The following CERT1 variants were observed in gnomAD, a reference collection of about 807,000 sequenced individuals.
CERT1 encodes the protein ceramide transfer protein.
A neutral mutation model predicts 87.9 loss-of-function variants in CERT1; 31 were observed. That is an observed-to-expected ratio of 0.35 (90% CI 0.27 to 0.48). The LOEUF (loss-of-function observed/expected upper bound fraction) is 0.48. Among genes scored for constraint, CERT1 ranks in the 20% least tolerant of loss-of-function variants. CERT1 has a pLI of 0.99. For synonymous variants in CERT1, 289 were observed against 250.9 expected (o/e 1.15, Z -1.44); for missense variants, 487 against 758.0 (o/e 0.64, Z 4.20).
intron 2 of CERT1, among the ~76,000 whole-genome samples, chr5:75,465,675 T>C (rs570974144): frequency 6.6e-6 from 1 of 152,324 alleles, no homozygotes; most frequent in African/African-American, 2.4e-5. Context: ...GTGCCATTTG[T>C]ATGGACAGGA....
intron 11 of CERT1, among the ~76,000 whole-genome samples, chr5:75,392,047 A>G (rs1762044861): frequency 6.6e-6 from 1 of 152,186 alleles, no homozygotes; most frequent in Non-Finnish European, 1.5e-5. Context: ...TCTGTTTGGG[A>G]GATTATTCTG....
intron 8 of CERT1, among the ~76,000 whole-genome samples, chr5:75,405,847 A>G (rs1762684697): frequency 1.4e-5 from 2 of 142,412 alleles, no homozygotes; most frequent in African/African-American, 2.6e-5. Context: ...CAGTGTATAT[A>G]GGGTTCAGTA....
At chr5:75,457,699 T>A (rs1403743079) in intron 3 of CERT1, among the ~76,000 whole-genome samples, 2 of 151,968 alleles carry the variant, frequency 1.3e-5, no homozygotes, top group Non-Finnish European at 1.5e-5. Flanking sequence ...GCTAATACGA[T>A]TGATAAAGAA....
Position 75,384,706 on chromosome 5 carries a change from A to C in CERT1, c.1424T>G (p.Ile475Arg). The change falls in exon 14 of 17, where the codon ATA (isoleucine) becomes AGA (arginine). Residue 475 changes from isoleucine (I) to arginine (R), a missense_variant. Physicochemically the swap from Ile to Arg is moderately conservative, Grantham distance 97 (BLOSUM62 -3). This residue lies in a region of CERT1 where 147 missense variants were observed against 200.8 expected (regional missense o/e 0.73). Coordinates refer to ENST00000643780, the MANE Select transcript of CERT1 (RefSeq NM_001379029.1). ...TGTTTCCACCACATGAAAGTTTTCTATAGTTGCTGAAATGAAGAGAATAAT... is the reference window on the plus strand; with the variant it reads ...TGTTTCCACCACATGAAAGTTTTCTCTAGTTGCTGAAATGAAGAGAATAAT... ...VDVRNDWETT[I>R]ENFHVVETLA... The C allele has an allele frequency of 6.3e-7, 1 of 1,576,610 alleles. No individual in the cohort carries two copies. The highest frequency in any genetic ancestry group is 8.7e-7 in the Non-Finnish European group (1 of 1,146,712).
At chr5:75,452,140 A>G (rs1764792582) in intron 3 of CERT1, among the ~76,000 whole-genome samples, 1 of 152,206 alleles carries the variant, frequency 6.6e-6, no homozygotes, top group African/African-American at 2.4e-5. Context: ...TTTGGCCTTC[A>G]CAAAGGGTAA....
At chr5:75,397,740 GC>G (rs2112071713) in intron 11 of CERT1, among the ~76,000 whole-genome samples, 1 of 152,306 alleles carries the variant, frequency 6.6e-6, no homozygotes, top group South Asian at 2.1e-4. Flanking sequence ...CATACGCAGG[GC>G]CGGGCATGGT....
At chr5:75,418,971 A>C (rs1237844897) in intron 6 of CERT1, among the ~76,000 whole-genome samples, 1 of 152,210 alleles carries the variant, frequency 6.6e-6, no homozygotes, top group African/African-American at 2.4e-5. Flanking sequence ...ATCTCAATAA[A>C]GCTTTTTTAA....
At chr5:75,435,709 T>G (rs1764065820) in intron 3 of CERT1, among the ~76,000 whole-genome samples, 1 of 152,186 alleles carries the variant, frequency 6.6e-6, no homozygotes, top group South Asian at 2.1e-4. Context: ...AGTTCAGCAC[T>G]CCTTAGCGAT....
At chr5:75,416,842 GATT>G (rs751037311) in intron 7 of CERT1, 31 bp downstream of exon 7, 3 of 1,526,712 alleles carry the variant, frequency 2.0e-6, no homozygotes, top group Non-Finnish European at 2.6e-6. Context: ...ACTTAAATGT[GATT>G]ATTTTTAAAA....
rs755642143 is a variant in CERT1 at position 75,459,095 on chromosome 5, C to T, written c.318G>A (p.Gln106=). ...YLRAQDPDHR[Q]QWIDAIEQHK... ...GCTGTTCAATGGCATCTATCCATTG[C>T]TGTCTATGATCTGGATCCTGAGCAC... Residue 106 remains glutamine (Q), a synonymous_variant, in exon 3 of 17, where the codon CAG becomes CAA. Coordinates refer to ENST00000643780, the MANE Select transcript of CERT1 (RefSeq NM_001379029.1). 2.7e-5 allele frequency: 44 copies of T among 1,609,194 alleles called. No homozygotes were observed. The highest frequency in any genetic ancestry group is 3.2e-5 in the Non-Finnish European group (38 of 1,175,786).
intron 2 of CERT1, among the ~76,000 whole-genome samples, chr5:75,463,824 C>A (rs1450875718): frequency 6.6e-6 from 1 of 152,116 alleles, no homozygotes; most frequent in Non-Finnish European, 1.5e-5. Flanking sequence ...AGAAATATAA[C>A]CATGTGTGGA....
At chr5:75,474,804 T>G (rs191160824) in intron 2 of CERT1, among the ~76,000 whole-genome samples, 2 of 152,088 alleles carry the variant, frequency 1.3e-5, no homozygotes, top group East Asian at 1.9e-4. Flanking sequence ...CTCCTATGCC[T>G]TCTTCTACTA....
chr5:75,379,029 A>T lies in CERT1; in HGVS notation c.*317T>A, dbSNP rs2111980561. 1.0e-5 allele frequency: 2 copies of T among 195,970 alleles called. 1 individual carries two copies. The highest frequency in any genetic ancestry group is 2.5e-4 in the South Asian group (2 of 8,088). The allele number at this position is 195,970 out of a possible 1,614,324, so 12.1% of individuals were successfully genotyped here. On this transcript the variant is annotated 3_prime_UTR_variant, in exon 17 of 17. Transcript: ENST00000643780. ...CCCCTATCTCTACAAAAAATAAAAAATTAGCTGAGCATGGTGGCACATGCC... is the reference window on the plus strand; with the variant it reads ...CCCCTATCTCTACAAAAAATAAAAATTTAGCTGAGCATGGTGGCACATGCC...
chr5:75,403,004 C>A lies in CERT1; in HGVS notation c.985G>T (p.Ala329Ser). The A allele has an allele frequency of 6.2e-7, 1 of 1,612,704 alleles. No homozygotes were observed. Among genetic ancestry groups the A allele is most frequent in the Non-Finnish European group, 8.5e-7 (1 of 1,178,890 alleles). The change falls in exon 9 of 17, where the codon GCT becomes TCT. Residue 329 changes from alanine (A) to serine (S), a missense_variant. By Grantham distance (99) the Ala-to-Ser change is moderately conservative. Transcript: ENST00000643780. ...EEEFFDAVEA[A>S]LDRQDKIEEQ... ...TCTATTTTATCTTGTCTGTCAAGAG[C>A]AGCTTCAACAGCATCAAAGAACTCT...
chr5:75,511,633 C>G, upstream of CERT1: 1 of 1,486,010 alleles, frequency 6.7e-7, no homozygotes, highest in Non-Finnish European at 9.0e-7. Context: ...ACTATTTACC[C>G]TCCCCTCCCC....
chr5:75,451,708 G>A lies in CERT1; in HGVS notation c.348+7357C>T, dbSNP rs557578880. 7.2e-5 allele frequency among the ~76,000 whole-genome samples: 11 copies of A among 152,166 alleles called. No homozygotes were observed. The East Asian group carries it at 2.1e-3, about 29-fold the overall frequency. On this transcript the variant is annotated intron_variant, in intron 3 of 16. Coordinates refer to ENST00000643780, the MANE Select transcript of CERT1 (RefSeq NM_001379029.1). ...CAACAGTATGACTTTATATGACCTT[G>A]ATATTTAAAAACTACTAAGAGTTAA...
intron 2 of CERT1, among the ~76,000 whole-genome samples, chr5:75,492,204 A>C (rs182036877): frequency 2.6e-5 from 4 of 151,938 alleles, no homozygotes; most frequent in South Asian, 2.1e-4. Context: ...AACAAACAAA[A>C]AAACTCCCCA....
chr5:75,507,564 T>C (rs1184641915), intron 1 of CERT1, among the ~76,000 whole-genome samples: 1 of 152,174 alleles, frequency 6.6e-6, no homozygotes, highest in Admixed American at 6.5e-5. Flanking sequence ...AAATAAATGA[T>C]AGTTACCAAT....
intron 3 of CERT1, among the ~76,000 whole-genome samples, chr5:75,440,833 C>T (rs373173740): frequency 2.0e-5 from 3 of 152,054 alleles, no homozygotes; most frequent in East Asian, 1.9e-4. Context: ...ATAACAGCTG[C>T]CCCCATTCTC....
Sources: allele counts gnomAD v4.1 joint callset (sites outside exome capture counted in the v4.1 genomes callset), GRCh38; gene constraint gnomAD v4.1.1; regional missense constraint gnomAD v4.1.1; transcripts MANE v1.5; gene names NCBI Gene and HGNC (gene_info 2026-07-23, HGNC 2026-07-21).